Variants in C12orf75 observed in about 807,000 individuals in gnomAD.
C12orf75 encodes the protein overexpressed in colon carcinoma 1 protein.
A neutral mutation model predicts 11.4 loss-of-function variants in C12orf75; 4 were observed. The ratio of observed to expected loss-of-function variants is 0.35; its 90% CI spans 0.17 to 0.80. C12orf75 has a LOEUF of 0.80. Among genes scored for constraint, C12orf75 ranks in the 30% least tolerant of loss-of-function variants. C12orf75 has a pLI of 0.52. For synonymous variants in C12orf75, 30 were observed against 30.0 expected, an observed-to-expected ratio of 1.00 and a Z score of 0.00; for missense variants, 89 against 80.4, an observed-to-expected ratio of 1.11 and a Z score of -0.41.
chr12:105,357,778 C>CTGTGTG (rs67643973), intron 2 of C12orf75, among the ~76,000 whole-genome samples: 3,686 of 137,216 alleles, frequency 0.027, 46 homozygotes, highest in East Asian at 0.057. Context: ...AATGTATTTT[C>CTGTGTG]TGTGTGTGTG....
At chr12:105,369,709 G>A (rs934819867) in intron 5 of C12orf75, among the ~76,000 whole-genome samples, 3 of 152,042 alleles carry the variant, frequency 2.0e-5, no homozygotes, top group African/African-American at 4.8e-5. Flanking sequence ...AACATGCGAT[G>A]TTTAGCTGTC....
rs188072221 is a variant in C12orf75, at chr12:105,349,448, G to A, written c.71+822G>A. ...TTTTGGTTGGAGAGTGGGCTGGGGT[G>A]AGGCTACTTATGAATGGGCAGAGGT... On this transcript the variant is annotated intron_variant, in intron 2 of 5. Coordinates refer to ENST00000443585, the MANE Select transcript of C12orf75 (RefSeq NM_001145199.2). Among the ~76,000 whole-genome samples, 850 of 152,294 alleles carry A rather than the reference G, an allele frequency of 5.6e-3. 25 individuals carry two copies. The highest frequency in any genetic ancestry group is 0.051 in the Admixed American group (782 of 15,294).
intron 5 of C12orf75, among the ~76,000 whole-genome samples, chr12:105,368,500 T>C (rs915843645): frequency 6.6e-6 from 1 of 152,194 alleles, no homozygotes; most frequent in Non-Finnish European, 1.5e-5. Context: ...AGAGTTGTTG[T>C]TAGGATTAAA....
chr12:105,348,538 T>C, intron 1 of C12orf75, 64 bp from the exon 2 acceptor site: 1 of 1,144,274 alleles, frequency 8.7e-7, no homozygotes, highest in East Asian at 2.9e-5. Flanking sequence ...TAATTAGGTA[T>C]TAGACAACAT....
intron 2 of C12orf75, among the ~76,000 whole-genome samples, chr12:105,353,223 A>G (rs1002304791): frequency 1.3e-5 from 2 of 152,208 alleles, no homozygotes; most frequent in Admixed American, 6.5e-5. Flanking sequence ...ACAGGAAGAA[A>G]TTCTCTTCTC....
intron 2 of C12orf75, among the ~76,000 whole-genome samples, chr12:105,359,865 A>T (rs368122732): frequency 6.6e-6 from 1 of 151,834 alleles, no homozygotes; most frequent in African/African-American, 2.4e-5. Context: ...CGGGAGCAAG[A>T]TTATGTTTAA....
intron 2 of C12orf75, among the ~76,000 whole-genome samples, chr12:105,353,269 G>A (rs967999121): frequency 6.6e-6 from 1 of 152,212 alleles, no homozygotes; most frequent in African/African-American, 2.4e-5. Flanking sequence ...CTTTCCTCAA[G>A]TGGTGACAAA....
At chr12:105,352,086 A>ATG (rs1455055999) in intron 2 of C12orf75, among the ~76,000 whole-genome samples, 4 of 152,214 alleles carry the variant, frequency 2.6e-5, no homozygotes, top group Non-Finnish European at 5.9e-5. Context: ...GATTTGTTTA[A>ATG]TGACTGAACG....
chr12:105,341,451 T>A (rs1455433015), intron 1 of C12orf75, among the ~76,000 whole-genome samples: 1 of 152,230 alleles, frequency 6.6e-6, no homozygotes, highest in African/African-American at 2.4e-5. Context: ...CAGACTCTAG[T>A]TGCAAATATT....
chr12:105,352,960 A>C (rs1892732403), intron 2 of C12orf75, among the ~76,000 whole-genome samples: 1 of 152,182 alleles, frequency 6.6e-6, no homozygotes, highest in African/African-American at 2.4e-5. Context: ...AACAAACAAA[A>C]CAGTGAATTC....
At chr12:105,354,786 A>C (rs1892754499) in intron 2 of C12orf75, among the ~76,000 whole-genome samples, 1 of 152,156 alleles carries the variant, frequency 6.6e-6, no homozygotes, top group South Asian at 2.1e-4. Context: ...GGATTCATCC[A>C]GGGATGGAGA....
chr12:105,331,274 G>T (rs1387049849), intron 1 of C12orf75, among the ~76,000 whole-genome samples: 1 of 151,860 alleles, frequency 6.6e-6, no homozygotes, highest in Non-Finnish European at 1.5e-5. Flanking sequence ...GTCCCCGGCC[G>T]CTCCCCCACC....
Position 105,330,812 on chromosome 12 carries a change from C to T in C12orf75, c.-80C>T. ...CCCCGTCAGCCTCCCGCTCGGGGTGCGCCGCCCTTCGTCTGGGTCTCCGCC... is the reference window on the plus strand; with the variant it reads ...CCCCGTCAGCCTCCCGCTCGGGGTGTGCCGCCCTTCGTCTGGGTCTCCGCC... On this transcript the variant is annotated 5_prime_UTR_variant, in exon 1 of 6. Coordinates refer to ENST00000443585, the MANE Select transcript of C12orf75 (RefSeq NM_001145199.2). 2 of 1,214,314 alleles carry T rather than the reference C, an allele frequency of 1.6e-6. No homozygotes were observed. 75.2% of individuals were successfully genotyped at this position (1,214,314 alleles called of 1,614,324 possible). A position where few individuals can be genotyped will look rare whatever the true frequency, so the allele number is the denominator to read the frequency against.
rs1372403374 is a variant in C12orf75 at position 105,359,573 on chromosome 12, C to T, written c.72-6234C>T. On this transcript the variant is annotated intron_variant, in intron 2 of 5. Transcript: ENST00000443585. ...ATCACTTGGGGTCAGGAGTTCAAGA[C>T]CAGCCTGGCCAACATGGTGAGACCC... Among the ~76,000 whole-genome samples the T allele has an allele frequency of 5.9e-5, 9 of 152,068 alleles. No individual in the cohort carries two copies. The East Asian group carries it at 1.5e-3, about 26-fold the overall frequency.
intron 2 of C12orf75, among the ~76,000 whole-genome samples, chr12:105,364,837 C>CTTTT (rs71440583): frequency 7.2e-5 from 9 of 125,686 alleles, no homozygotes; most frequent in Non-Finnish European, 1.0e-4. Context: ...ATATGGACTC[C>CTTTT]TTTTTTTTTT....
intron 2 of C12orf75, among the ~76,000 whole-genome samples, chr12:105,353,316 T>G (rs1892737433): frequency 6.6e-6 from 1 of 152,240 alleles, no homozygotes; most frequent in Non-Finnish European, 1.5e-5. Context: ...TCCTAATTCC[T>G]GTGGAAAAAA....
chr12:105,368,165 A>T (rs895070812), intron 5 of C12orf75, among the ~76,000 whole-genome samples: 8 of 152,236 alleles, frequency 5.3e-5, no homozygotes, highest in African/African-American at 1.9e-4. Flanking sequence ...TCATTTGTTA[A>T]CTACCCTACA....
intron 1 of C12orf75, among the ~76,000 whole-genome samples, chr12:105,341,619 G>A (rs1185207685): frequency 6.6e-6 from 1 of 152,216 alleles, no homozygotes; most frequent in Non-Finnish European, 1.5e-5. Flanking sequence ...AACAGCCAGT[G>A]GAAGAGGTAC....
At chr12:105,362,211 C>T (rs897564789) in intron 2 of C12orf75, among the ~76,000 whole-genome samples, 10 of 151,524 alleles carry the variant, frequency 6.6e-5, no homozygotes, top group Non-Finnish European at 1.3e-4. Context: ...ACGGTGAAAC[C>T]CCGTCTCTAC....
Sources: gnomAD v4.1 joint callset for allele counts (sites outside exome capture counted in the v4.1 genomes callset) on GRCh38, gnomAD v4.1.1 for gene constraint, MANE v1.5 for transcripts, NCBI Gene and HGNC (gene_info 2026-07-23, HGNC 2026-07-21) for gene names.